The following UBE3D variants were observed in gnomAD, a reference collection of about 807,000 sequenced individuals.
UBE3D encodes the protein E3 ubiquitin-protein ligase E3D.
UBE3D carries 48 observed loss-of-function variants against 49.6 expected under a neutral mutation model. That is an observed-to-expected ratio of 0.97 (90% CI 0.77 to 1.23). The LOEUF (loss-of-function observed/expected upper bound fraction) is 1.23, where lower values mean the gene tolerates loss of function less well. Among genes scored for constraint, UBE3D ranks in the 50% most tolerant of loss-of-function variants. The pLI is 0.00. For synonymous variants in UBE3D, 189 were observed against 174.2 expected, an observed-to-expected ratio of 1.08 and a Z score of -0.67; for missense variants, 452 against 468.4, an observed-to-expected ratio of 0.96 and a Z score of 0.32.
chr6:82,981,031 C>G (rs1778083678), intron 8 of UBE3D, among the ~76,000 whole-genome samples: 1 of 151,992 alleles, frequency 6.6e-6, no homozygotes, highest in Non-Finnish European at 1.5e-5. Flanking sequence ...TTAAAATAAT[C>G]CTACCATGAT....
rs529483031 is a variant in UBE3D at position 83,003,191 on chromosome 6, T to C, written c.1010+15782A>G. On this transcript the variant is annotated intron_variant, in intron 8 of 9. Coordinates refer to ENST00000369747, the MANE Select transcript of UBE3D (RefSeq NM_198920.3). ...CTATCTCACATACGATTAGAAAACA[T>C]AGAACAGAGAAGAAACAATTTTATT... Among the ~76,000 whole-genome samples, 29 of 152,232 alleles carry C rather than the reference T, an allele frequency of 1.9e-4. 1 individual carries two copies. Among genetic ancestry groups the C allele is most frequent in the Admixed American group, 1.1e-3 (17 of 15,290 alleles).
intron 9 of UBE3D, among the ~76,000 whole-genome samples, chr6:82,895,360 G>C (rs1771242406): frequency 6.6e-6 from 1 of 152,096 alleles, no homozygotes; most frequent in South Asian, 2.1e-4. Context: ...ATACAGAATA[G>C]TGATTTTCAA....
At chr6:83,036,352 T>C (rs1311868150) in intron 5 of UBE3D, 2 of 152,148 alleles carry the variant, frequency 1.3e-5, no homozygotes, top group Non-Finnish European at 2.9e-5. Flanking sequence ...CTCTGTCTTT[T>C]GGTTTTAATT....
chr6:82,997,242 T>C (rs1023461962), intron 8 of UBE3D, among the ~76,000 whole-genome samples: 8 of 152,160 alleles, frequency 5.3e-5, no homozygotes, highest in Admixed American at 5.2e-4. Context: ...AGGTCTTCAC[T>C]GCAGAATTGT....
intron 8 of UBE3D, among the ~76,000 whole-genome samples, chr6:82,957,964 T>C (rs574900852): frequency 1.1e-4 from 16 of 152,340 alleles, no homozygotes; most frequent in African/African-American, 3.6e-4. Flanking sequence ...AAAAATCTTG[T>C]AACAGCCCCA....
intron 5 of UBE3D, among the ~76,000 whole-genome samples, chr6:83,033,604 C>T (rs1191449054): frequency 1.3e-5 from 2 of 152,150 alleles, no homozygotes; most frequent in Non-Finnish European, 2.9e-5. Flanking sequence ...CACCTCCCTT[C>T]ATTCTCTCTT....
intron 4 of UBE3D, among the ~76,000 whole-genome samples, chr6:83,042,374 G>A (rs1782736147): frequency 6.6e-6 from 1 of 152,092 alleles, no homozygotes; most frequent in African/African-American, 2.4e-5. Context: ...AAAGGCTATG[G>A]AAGAAAAGAA....
intron 9 of UBE3D, among the ~76,000 whole-genome samples, chr6:82,894,498 C>T (rs1049059811): frequency 1.3e-4 from 20 of 152,098 alleles, no homozygotes; most frequent in African/African-American, 4.1e-4. Context: ...CTGTAAGCAG[C>T]GGTGGGCTCT....
At chr6:82,921,626 G>A (rs145769005) in intron 9 of UBE3D, among the ~76,000 whole-genome samples, 9 of 152,298 alleles carry the variant, frequency 5.9e-5, no homozygotes, top group African/African-American at 9.6e-5. Flanking sequence ...GTGGCATGGA[G>A]GGTGAGGAGA....
At chr6:82,968,713 TTGGG>T (rs1777127371) in intron 8 of UBE3D, among the ~76,000 whole-genome samples, 6 of 152,112 alleles carry the variant, frequency 3.9e-5, no homozygotes, top group African/African-American at 1.4e-4. Context: ...GAACTAACAG[TTGGG>T]GTTTTTAAAG....
intron 1 of UBE3D, among the ~76,000 whole-genome samples, chr6:83,061,378 A>C (rs1460248350): frequency 6.6e-6 from 1 of 152,228 alleles, no homozygotes; most frequent in Non-Finnish European, 1.5e-5. Flanking sequence ...TGAATGATGT[A>C]AGATGGTAGC....
intron 4 of UBE3D, among the ~76,000 whole-genome samples, chr6:83,042,563 A>G (rs1782748586): frequency 6.6e-6 from 1 of 152,188 alleles, no homozygotes; most frequent in Non-Finnish European, 1.5e-5. Context: ...ACAGTGTGGG[A>G]ACTCTACAGA....
chr6:82,922,061 G>C (rs969464045), intron 9 of UBE3D, among the ~76,000 whole-genome samples: 1 of 152,108 alleles, frequency 6.6e-6, no homozygotes, highest in Non-Finnish European at 1.5e-5. Flanking sequence ...TAAGAGATTG[G>C]ACATAGTAGA....
chr6:83,038,705 C>T (rs6934183), intron 4 of UBE3D, among the ~76,000 whole-genome samples: 118,100 of 152,124 alleles, frequency 0.78, 45,993 homozygotes, highest in East Asian at 0.91. Flanking sequence ...TTTCCAAAAC[C>T]AGCCACTTCT....
intron 8 of UBE3D, among the ~76,000 whole-genome samples, chr6:83,008,195 C>T (rs1326601657): frequency 1.3e-5 from 2 of 152,078 alleles, no homozygotes; most frequent in African/African-American, 4.8e-5. Flanking sequence ...TTACTAGACG[C>T]CAGTAGTTCC....
chr6:82,982,836 A>T (rs1778205577), intron 8 of UBE3D, among the ~76,000 whole-genome samples: 1 of 152,182 alleles, frequency 6.6e-6, no homozygotes, highest in South Asian at 2.1e-4. Context: ...CTGCCTATGA[A>T]AAAACTTCCC....
downstream of UBE3D, among the ~76,000 whole-genome samples, chr6:82,891,235 C>T (rs1770973102): frequency 6.6e-6 from 1 of 152,136 alleles, no homozygotes; most frequent in Admixed American, 6.5e-5. Flanking sequence ...ACAATATCTA[C>T]AGATATTTTT....
At chr6:82,921,541 G>A (rs1331760361) in intron 9 of UBE3D, among the ~76,000 whole-genome samples, 1 of 151,924 alleles carries the variant, frequency 6.6e-6, no homozygotes. Flanking sequence ...TAAATGAACT[G>A]GAGAAAAAAA....
chr6:83,032,104 G>T (rs1301029720), intron 5 of UBE3D: 2 of 441,378 alleles, frequency 4.5e-6, no homozygotes, highest in African/African-American at 4.0e-5. Flanking sequence ...CTGTGGCACT[G>T]CCTGGTGGAG....
Sources: gnomAD v4.1 joint callset for allele counts (sites outside exome capture counted in the v4.1 genomes callset) on GRCh38, gnomAD v4.1.1 for gene constraint, MANE v1.5 for transcripts, NCBI Gene and HGNC (gene_info 2026-07-23, HGNC 2026-07-21) for gene names.